Variants in ASIC2 observed in about 807,000 individuals in gnomAD.
ASIC2 encodes the protein acid-sensing ion channel 2.
A neutral mutation model predicts 57.3 loss-of-function variants in ASIC2; 25 were observed. That is an observed-to-expected ratio of 0.44 (90% CI 0.32 to 0.61). The LOEUF is 0.61. Among genes scored for constraint, ASIC2 ranks in the 20% least tolerant of loss-of-function variants. The pLI is 0.06. For missense variants in ASIC2, 641 were observed against 738.1 expected (o/e 0.87, Z 1.52); for synonymous variants, 319 against 307.5 (o/e 1.04, Z -0.39).
intron 1 of ASIC2, among the ~76,000 whole-genome samples, chr17:33,495,375 C>G (rs534018177): frequency 2.0e-5 from 3 of 152,332 alleles, no homozygotes; most frequent in South Asian, 4.1e-4. Flanking sequence ...GGCAAAGAAG[C>G]CATGTCCAAG....
In ASIC2 at chr17:34,110,596, C is replaced by T. The variant is rs562446659; in HGVS notation, c.555+45382G>A. On this transcript the variant is annotated intron_variant, in intron 1 of 9. Coordinates refer to the ASIC2 transcript ENST00000359872. ...CCCAAGTGCCAGGCATATGTCAAAT[C>T]CAATTTGGGAGAGGATCTTGTTAAG... Among the ~76,000 whole-genome samples the T allele has an allele frequency of 3.3e-5, 5 of 152,264 alleles. No individual in the cohort carries two copies. In the South Asian group the frequency reaches 1.0e-3, roughly 32 times the overall value.
At position 33,579,404 on chromosome 17, in the gene ASIC2, G is replaced by A. The variant is rs187539728; in HGVS notation, c.556-467337C>T. On this transcript the variant is annotated intron_variant, in intron 1 of 9. Coordinates refer to the ASIC2 transcript ENST00000359872. ...AACACTCCGCCTCATTATTCTGGAG[G>A]GGAAGGTAGAAAACAAGGAGATATA... 2.0e-3 allele frequency among the ~76,000 whole-genome samples: 300 copies of A among 152,120 alleles called. No individual in the cohort carries two copies. The Middle Eastern group carries it at 0.034, about 17-fold the overall frequency.
chr17:33,580,129 C>G (rs1382469180), intron 1 of ASIC2: 2 of 152,180 alleles, frequency 1.3e-5, no homozygotes, highest in African/African-American at 4.8e-5. Context: ...AGGGTTGGTA[C>G]CCACAGGGTA....
At chr17:33,019,143 C>T (rs553890217) in intron 7 of ASIC2, among the ~76,000 whole-genome samples, 2 of 152,136 alleles carry the variant, frequency 1.3e-5, no homozygotes, top group South Asian at 2.1e-4. Context: ...GTGTGATGTA[C>T]GTGTGCAGTG....
chr17:34,017,847 G>A (rs1389021635), intron 1 of ASIC2, among the ~76,000 whole-genome samples: 1 of 152,226 alleles, frequency 6.6e-6, no homozygotes, highest in African/African-American at 2.4e-5. Flanking sequence ...TGGTTCATAA[G>A]ATTTAGGAAA....
At chr17:33,481,173 G>T (rs1913392887) in intron 1 of ASIC2, among the ~76,000 whole-genome samples, 1 of 152,302 alleles carries the variant, frequency 6.6e-6, no homozygotes, top group South Asian at 2.1e-4. Context: ...AAATGCTGCA[G>T]GTGTGTCCCT....
chr17:33,288,839 C>T lies in ASIC2; in HGVS notation c.708+2569G>A, dbSNP rs554856372. Among the ~76,000 whole-genome samples the T allele has an allele frequency of 6.6e-5, 10 of 152,208 alleles. No individual in the cohort carries two copies. The South Asian group carries it at 1.5e-3, about 22-fold the overall frequency. On this transcript the variant is annotated intron_variant, in intron 1 of 9. Transcript: ENST00000225823. ...AAGAATAGAGAGATTAAGTCACTTG[C>T]CCAAGGGCACATGGTAAGTGGTAGA...
intron 1 of ASIC2, among the ~76,000 whole-genome samples, chr17:33,242,804 G>T (rs1472881541): frequency 6.6e-6 from 1 of 152,120 alleles, no homozygotes. Context: ...GGTGGTTAAG[G>T]TTCTTTCCAG....
At chr17:33,777,368 A>T (rs936824426) in intron 1 of ASIC2, among the ~76,000 whole-genome samples, 1 of 152,230 alleles carries the variant, frequency 6.6e-6, no homozygotes, top group African/African-American at 2.4e-5. Flanking sequence ...TTGGTTCCTC[A>T]TGATGGGTCA....
chr17:33,935,055 T>A (rs2141974387), intron 1 of ASIC2, among the ~76,000 whole-genome samples: 2 of 152,322 alleles, frequency 1.3e-5, no homozygotes, highest in East Asian at 3.9e-4. Context: ...TCCAGCACCA[T>A]CCCTGTGAGC....
chr17:33,494,982 G>T (rs1178500497), intron 1 of ASIC2, among the ~76,000 whole-genome samples: 1 of 152,170 alleles, frequency 6.6e-6, no homozygotes, highest in African/African-American at 2.4e-5. Flanking sequence ...CCAACTAAGT[G>T]ATTCCTAAGT....
chr17:33,439,088 G>A (rs1411510964), intron 1 of ASIC2, among the ~76,000 whole-genome samples: 1 of 152,120 alleles, frequency 6.6e-6, no homozygotes, highest in South Asian at 2.1e-4. Flanking sequence ...AGGTAATCTT[G>A]CCTCCTTGGC....
At chr17:33,940,210 G>C (rs147099019) in intron 1 of ASIC2, among the ~76,000 whole-genome samples, 17 of 152,260 alleles carry the variant, frequency 1.1e-4, no homozygotes, top group Admixed American at 4.6e-4. Flanking sequence ...CACCTAACCA[G>C]TAAGTTGGCC....
At position 33,140,134 on chromosome 17, in the gene ASIC2, G is replaced by A. The variant is rs188952974; in HGVS notation, c.709-28067C>T. Among the ~76,000 whole-genome samples the A allele has an allele frequency of 7.2e-5, 11 of 152,350 alleles. No homozygotes were observed. In the East Asian group the frequency reaches 2.1e-3, roughly 29 times the overall value. On this transcript the variant is annotated intron_variant, in intron 1 of 9. Coordinates refer to ENST00000225823, the MANE Select transcript of ASIC2 (RefSeq NM_183377.2). ...CAGACTCTCTGATAATAAGGCCCAGGAATCTGGGCTTTAAATAAGCTTCTC... is the reference window on the plus strand; with the variant it reads ...CAGACTCTCTGATAATAAGGCCCAGAAATCTGGGCTTTAAATAAGCTTCTC...
intron 1 of ASIC2, among the ~76,000 whole-genome samples, chr17:33,442,043 C>G (rs1026676262): frequency 6.6e-6 from 1 of 152,162 alleles, no homozygotes; most frequent in African/African-American, 2.4e-5. Flanking sequence ...ACTTCCCCCC[C>G]AAATTGATTT....
rs981759361 is a variant in ASIC2, at chr17:33,208,823, G to GA, written c.708+82584dup. Among the ~76,000 whole-genome samples the GA allele has an allele frequency of 3.3e-5, 5 of 152,214 alleles. No homozygotes were observed. The East Asian group carries it at 9.6e-4, about 29-fold the overall frequency. Reference sequence around the variant, plus strand: ...ATGCTCAGTAAATATCTGTTGAATGGAAAAAATGAAGGATAAGCTAAGGAG... The same window carrying GA: ...ATGCTCAGTAAATATCTGTTGAATGGAAAAAAATGAAGGATAAGCTAAGGAG... On this transcript the variant is annotated intron_variant, in intron 1 of 9. Coordinates refer to ENST00000225823, the MANE Select transcript of ASIC2 (RefSeq NM_183377.2).
intron 1 of ASIC2, among the ~76,000 whole-genome samples, chr17:33,375,826 T>C (rs902723653): frequency 3.3e-5 from 5 of 152,208 alleles, no homozygotes; most frequent in Non-Finnish European, 5.9e-5. Context: ...CCAAGTGTTG[T>C]CCTGAGTAAC....
At chr17:33,767,719 A>T (rs1353569229) in intron 1 of ASIC2, among the ~76,000 whole-genome samples, 2 of 152,370 alleles carry the variant, frequency 1.3e-5, no homozygotes, top group East Asian at 3.9e-4. Context: ...TTATTGAAGG[A>T]TTTTAAAATT....
chr17:33,359,539 A>G (rs780602741), intron 1 of ASIC2, among the ~76,000 whole-genome samples: 1 of 152,200 alleles, frequency 6.6e-6, no homozygotes, highest in African/African-American at 2.4e-5. Context: ...AAATCAGACA[A>G]GCAGTGAGGC....
Sources: allele counts gnomAD v4.1 joint callset (sites outside exome capture counted in the v4.1 genomes callset), GRCh38; gene constraint gnomAD v4.1.1; transcripts MANE v1.5; gene names NCBI Gene and HGNC (gene_info 2026-07-23, HGNC 2026-07-21).